The following MSR1 variants were observed in gnomAD, a reference collection of about 807,000 sequenced individuals.
The protein encoded by MSR1 is macrophage scavenger receptor types I and II.
In MSR1, 53 loss-of-function variants were observed where a neutral mutation model predicts 47.2. The observed-to-expected ratio is 1.12, with a 90% CI of 0.90 to 1.41. The LOEUF (loss-of-function observed/expected upper bound fraction) is 1.41. Among genes scored for constraint, MSR1 ranks in the 40% most tolerant of loss-of-function variants. MSR1 has a pLI of 0.00. For synonymous variants in MSR1, 239 were observed against 185.6 expected (o/e 1.29, Z -2.34); for missense variants, 786 against 546.9 (o/e 1.44, Z -4.36).
chr8:16,178,515 G>C (rs1389091401), intron 1 of MSR1, among the ~76,000 whole-genome samples: 1 of 152,080 alleles, frequency 6.6e-6, no homozygotes, highest in African/African-American at 2.4e-5. Context: ...TGGACATTTG[G>C]GTTGGTTCCA....
In MSR1 at chr8:16,120,414, T is replaced by A. The variant is rs770149197; in HGVS notation, c.1222+4A>T. 6.2e-7 allele frequency: 1 copy of A among 1,613,434 alleles called. No homozygotes were observed. Among genetic ancestry groups the A allele is most frequent in the Admixed American group, 1.7e-5 (1 of 59,988 alleles). ...CAAACCTCACAAGATTTTCTTTAAA[T>A]TACCTTGTCCAAAGTGAGCTGCCTT... On this transcript the variant is annotated splice_donor_region_variant and intron_variant, in intron 9 of 9. Coordinates refer to ENST00000262101, the MANE Select transcript of MSR1 (RefSeq NM_138715.3).
chr8:16,145,920 A>G (rs1355046235), intron 7 of MSR1, among the ~76,000 whole-genome samples: 1 of 152,124 alleles, frequency 6.6e-6, no homozygotes, highest in Non-Finnish European at 1.5e-5. Context: ...CTCCTATCCT[A>G]TGTATTACTC....
At chr8:16,131,899 T>C (rs1375634809) in intron 8 of MSR1, among the ~76,000 whole-genome samples, 1 of 152,146 alleles carries the variant, frequency 6.6e-6, no homozygotes, top group Non-Finnish European at 1.5e-5. Context: ...TAGTATAGTT[T>C]GAAGTCAGGT....
intron 8 of MSR1, chr8:16,140,773 G>T: frequency 6.9e-7 from 1 of 1,450,546 alleles, no homozygotes; most frequent in Non-Finnish European, 9.0e-7. Context: ...GAGAGGTGAT[G>T]GTGGAGTAAT....
chr8:16,175,932 C>A (rs576135928), intron 2 of MSR1, among the ~76,000 whole-genome samples: 1 of 151,962 alleles, frequency 6.6e-6, no homozygotes, highest in Admixed American at 6.6e-5. Context: ...TAACAGTAAC[C>A]TTTTATTCAT....
At chr8:16,145,336 TG>T (rs1345372872) in intron 7 of MSR1, among the ~76,000 whole-genome samples, 1 of 152,110 alleles carries the variant, frequency 6.6e-6, no homozygotes, top group African/African-American at 2.4e-5. Flanking sequence ...ATTTTCAGAT[TG>T]TCCAAGAGGA....
chr8:16,110,027 A>C lies in MSR1; in HGVS notation c.*58T>G. 6.3e-7 allele frequency: 1 copy of C among 1,594,226 alleles called. No homozygotes were observed. The highest frequency in any genetic ancestry group is 8.6e-7 in the Non-Finnish European group (1 of 1,163,666). Reference sequence around the variant, plus strand: ...TGATTAAATGGATTTTACAGGAACAAGGTAATAAAATCATTTTTGAGCAGC... The same window carrying C: ...TGATTAAATGGATTTTACAGGAACACGGTAATAAAATCATTTTTGAGCAGC... On this transcript the variant is annotated 3_prime_UTR_variant, in exon 10 of 10. Transcript: ENST00000262101.
At chr8:16,139,176 C>T in intron 8 of MSR1, 3 of 716,458 alleles carry the variant, frequency 4.2e-6, no homozygotes, top group Non-Finnish European at 5.1e-6. Flanking sequence ...TCGAGCATCT[C>T]TCTTTTTGCC....
chr8:16,115,497 A>C (rs1799857460), intron 9 of MSR1, among the ~76,000 whole-genome samples: 1 of 152,214 alleles, frequency 6.6e-6, no homozygotes, highest in Non-Finnish European at 1.5e-5. Flanking sequence ...GAATAATGTA[A>C]GCCTGTCTCT....
In MSR1 at chr8:16,132,582, G is replaced by T. The variant is rs1800287069; in HGVS notation, c.1033+10976C>A. 2.6e-5 allele frequency among the ~76,000 whole-genome samples: 4 copies of T among 152,138 alleles called. No individual in the cohort carries two copies. In the East Asian group the frequency reaches 5.8e-4, roughly 22 times the overall value. On this transcript the variant is annotated intron_variant, in intron 8 of 9. Transcript: ENST00000262101. Reference sequence around the variant, plus strand: ...GGCTCACTGCAACCCCTGCCTCCCAGGTTCAAGTGATTCTCCTGCCTCAGC... The same window carrying T: ...GGCTCACTGCAACCCCTGCCTCCCATGTTCAAGTGATTCTCCTGCCTCAGC...
intron 9 of MSR1, among the ~76,000 whole-genome samples, chr8:16,112,294 T>G (rs989221): frequency 6.6e-6 from 1 of 152,090 alleles, no homozygotes; most frequent in South Asian, 2.1e-4. Context: ...CTTTTTATAA[T>G]AACCTTGTTA....
At chr8:16,155,482 G>C (rs537908617) in intron 5 of MSR1, among the ~76,000 whole-genome samples, 13 of 152,000 alleles carry the variant, frequency 8.6e-5, no homozygotes, top group Admixed American at 7.9e-4. Context: ...ATCCTAGGCA[G>C]TTAGACATAG....
chr8:16,139,765 AAAAAAAAAAATATATATATATATATATAT>A (rs1800490929), intron 8 of MSR1: 1 of 161,554 alleles, frequency 6.2e-6, no homozygotes, highest in Non-Finnish European at 7.3e-6. Flanking sequence ...AAAAAAAAAA[AAAAAAAAAAATATATATATATATATATAT>A]ATATATATAT....
At chr8:16,191,521 T>C (rs1405659823) in intron 1 of MSR1, among the ~76,000 whole-genome samples, 3 of 151,328 alleles carry the variant, frequency 2.0e-5, no homozygotes, top group African/African-American at 7.3e-5. Flanking sequence ...AAAATATCAC[T>C]TTTTTTTTAA....
rs751641311 is a variant in MSR1, at chr8:16,175,286, G to A, written c.118C>T (p.Pro40Ser). 15 of 1,613,806 alleles carry A rather than the reference G, an allele frequency of 9.3e-6. 1 individual carries two copies. The South Asian group carries it at 1.2e-4, about 13-fold the overall frequency. The change falls in exon 3 of 10, where the codon CCT (proline) becomes TCT (serine). Residue 40 changes from proline (P) to serine (S), a missense_variant. Pro to Ser is a moderately conservative substitution (Grantham distance 74). Coordinates refer to ENST00000262101, the MANE Select transcript of MSR1 (RefSeq NM_138715.3). The part of the protein sequence containing the change: ...ALLPPNPKNS[P>S]SLQEKLKSFK... ...GACTTCAGTTTCTCTTGAAGGGAAG[G>A]GCTGTTTTTAGGATCTAATAAAACA...
chr8:16,132,778 G>A (rs1585146235), intron 8 of MSR1, among the ~76,000 whole-genome samples: 1 of 152,098 alleles, frequency 6.6e-6, no homozygotes, highest in African/African-American at 2.4e-5. Flanking sequence ...TATCTTGCCT[G>A]ATTGCTCTGG....
At position 16,140,985 on chromosome 8, in the gene MSR1, G is replaced by T. The variant is rs201315825; in HGVS notation, c.1033+2573C>A. The T allele has an allele frequency of 1.5e-5, 24 of 1,613,724 alleles. No individual in the cohort carries two copies. The African/African-American group carries it at 2.0e-4, about 13-fold the overall frequency. ...ATGAGATGGTAGCAGAGGATGTCCC[G>T]CCCAACCCACCTGATCTTAAGAGGG... is the stretch of plus-strand genomic sequence containing the variant. On this transcript the variant is annotated intron_variant, in intron 8 of 9. Transcript: ENST00000262101.
At chr8:16,155,248 G>T in intron 5 of MSR1, 104 bp from the exon 6 acceptor site, 1 of 796,642 alleles carries the variant, frequency 1.3e-6, no homozygotes, top group Non-Finnish European at 2.1e-6. Flanking sequence ...TCTTCTATTT[G>T]TTGTGCAATA....
chr8:16,129,576 T>C (rs1457565044), intron 8 of MSR1, among the ~76,000 whole-genome samples: 1 of 151,970 alleles, frequency 6.6e-6, no homozygotes, highest in Non-Finnish European at 1.5e-5. Context: ...CAAAACCCCG[T>C]TCCCTACAAA....
Sources: gnomAD v4.1 joint callset for allele counts (sites outside exome capture counted in the v4.1 genomes callset) on GRCh38, gnomAD v4.1.1 for gene constraint, MANE v1.5 for transcripts, NCBI Gene and HGNC (gene_info 2026-07-23, HGNC 2026-07-21) for gene names.